Variants in DMD observed in about 807,000 individuals in gnomAD.
The protein encoded by DMD is dystrophin, also known as mutant dystrophin.
DMD carries 63 observed loss-of-function variants against 330.1 expected under a neutral mutation model. The observed-to-expected ratio is 0.19, with a 90% confidence interval of 0.16 to 0.24. The LOEUF (loss-of-function observed/expected upper bound fraction) is 0.24, where lower values mean the gene tolerates loss of function less well. Among genes scored for constraint, DMD ranks in the 10% least tolerant of loss-of-function variants. The pLI is 1.00. For synonymous variants in DMD, 1,223 were observed against 959.8 expected, an observed-to-expected ratio of 1.27 and a Z score of -5.07; for missense variants, 3,344 against 2,684.1, an observed-to-expected ratio of 1.25 and a Z score of -5.43.
intron 44 of DMD, among the ~76,000 whole-genome samples, chrX:31,981,106 G>A (rs1237791067): frequency 8.9e-6 from 1 of 111,758 alleles, no homozygotes; most frequent in East Asian, 2.8e-4. Flanking sequence ...AACAGACTTC[G>A]TGAACCATCA....
At chrX:33,096,833 G>A (rs1195850417) in intron 1 of DMD, among the ~76,000 whole-genome samples, 1 of 112,659 alleles carries the variant, frequency 8.9e-6, no homozygotes, top group Admixed American at 9.4e-5. Flanking sequence ...TTAGGTCAAA[G>A]GGAAAGTTTA....
chrX:31,527,312 T>A (rs1262526450), intron 55 of DMD, among the ~76,000 whole-genome samples: 1 of 111,815 alleles, frequency 8.9e-6, no homozygotes, highest in African/African-American at 3.3e-5. Flanking sequence ...CTACTTACCA[T>A]CCTTCCAGTT....
At position 32,900,762 on chromosome X, in the gene DMD, G is replaced by A. The variant is rs745581414; in HGVS notation, c.94-50942C>T. Among the ~76,000 whole-genome samples, 81 of 111,530 alleles carry A rather than the reference G, an allele frequency of 7.3e-4. 1 individual carries two copies. The highest frequency in any genetic ancestry group is 4.7e-3 in the Middle Eastern group (1 of 213). The stretch of plus-strand genomic sequence containing the variant: ...AGCAAATGAAAAAAAAGGAATTTTC[G>A]TTGATATTTCCTTTAAATGAAGATC... On this transcript the variant is annotated intron_variant, in intron 2 of 78. Transcript: ENST00000357033.
chrX:31,857,256 G>A (rs2093627445), intron 48 of DMD, among the ~76,000 whole-genome samples: 1 of 107,559 alleles, frequency 9.3e-6, no homozygotes, highest in Non-Finnish European at 1.9e-5. Context: ...GTGGGCACCA[G>A]TAATCCTAGC....
At chrX:32,657,446 T>C (rs2060654687) in intron 9 of DMD, among the ~76,000 whole-genome samples, 1 of 112,297 alleles carries the variant, frequency 8.9e-6, no homozygotes, top group South Asian at 3.6e-4. Context: ...TCTTTGTTCT[T>C]ACTGTTTCAT....
intron 44 of DMD, among the ~76,000 whole-genome samples, chrX:32,126,591 T>G (rs1452729242): frequency 8.9e-6 from 1 of 112,181 alleles, no homozygotes. Flanking sequence ...ATTGAATAGT[T>G]CACTTGATGT....
intron 59 of DMD, among the ~76,000 whole-genome samples, chrX:31,451,668 TC>T (rs2065765047): frequency 9.0e-6 from 1 of 111,088 alleles, no homozygotes; most frequent in Non-Finnish European, 1.9e-5. Flanking sequence ...TGTCACCCTT[TC>T]TCGAAAGTTG....
In DMD at chrX:32,468,713, A is replaced by G. The variant is rs1289371830; in HGVS notation, c.2950-3T>C. 8.3e-7 allele frequency: 1 copy of G among 1,199,715 alleles called. No homozygotes were observed. The highest frequency in any genetic ancestry group is 3.0e-5 in the East Asian group (1 of 33,670). ...TCTTGCAGAGAACTTTGTAAAGCCT[A>G]AAAAACAATTTTTTAAATACATTTA... On this transcript the variant is annotated splice_polypyrimidine_tract_variant and splice_region_variant and intron_variant, in intron 22 of 78. Transcript: ENST00000357033.
chrX:33,258,777 C>T (rs2052901562), intron 1 of DMD, among the ~76,000 whole-genome samples: 1 of 111,051 alleles, frequency 9.0e-6, no homozygotes, highest in Non-Finnish European at 1.9e-5. Flanking sequence ...GTAGGATCAT[C>T]TGCCGCTGAT....
intron 7 of DMD, among the ~76,000 whole-genome samples, chrX:32,782,792 G>A (rs112929439): frequency 3.7e-5 from 4 of 109,224 alleles, no homozygotes; most frequent in East Asian, 2.9e-4. Flanking sequence ...AATGCTTGAG[G>A]TGACATGCTA....
chrX:32,809,327 G>A (rs763967882), intron 7 of DMD, among the ~76,000 whole-genome samples, 166 bp downstream of exon 7: 1 of 111,665 alleles, frequency 9.0e-6, no homozygotes, highest in South Asian at 3.7e-4. Context: ...AATTAAATAA[G>A]ACAATTCATA....
intron 15 of DMD, among the ~76,000 whole-genome samples, chrX:32,566,720 T>C (rs1482464246): frequency 4.5e-5 from 5 of 112,038 alleles, no homozygotes; most frequent in African/African-American, 9.7e-5. Flanking sequence ...AAGTGGTTTA[T>C]GTGAAATCAG....
intron 7 of DMD, among the ~76,000 whole-genome samples, chrX:32,781,362 C>T (rs775836146): frequency 9.0e-6 from 1 of 111,211 alleles, no homozygotes; most frequent in East Asian, 2.8e-4. Context: ...ATGATACAAT[C>T]AAAGTGAAAC....
intron 1 of DMD, among the ~76,000 whole-genome samples, chrX:33,280,932 C>T (rs1201958542): frequency 9.0e-6 from 1 of 111,477 alleles, no homozygotes; most frequent in Non-Finnish European, 1.9e-5. Context: ...CCATTCTATA[C>T]ATCCTATATA....
chrX:31,272,957 A>G (rs1212789810), intron 62 of DMD, among the ~76,000 whole-genome samples: 2 of 112,259 alleles, frequency 1.8e-5, no homozygotes, highest in East Asian at 5.5e-4. Context: ...TGGACAGTCT[A>G]CTACAAGAGA....
rs767993498 is a variant in DMD at position 32,312,942 on chromosome X, C to CAAAAAAAAAAAAAAAAAAAAA, written c.5923-2687_5923-2667dup. 6.4e-4 allele frequency among the ~76,000 whole-genome samples: 13 copies of CAAAAAAAAAAAAAAAAAAAAA among 20,400 alleles called. 1 individual carries two copies. The highest frequency in any genetic ancestry group is 4.1e-3 in the Admixed American group (4 of 964). The allele number at this position is 20,400 out of a possible 115,157, so 17.7% of individuals were successfully genotyped here. A position where few individuals can be genotyped will look rare whatever the true frequency, so the allele number is the denominator to read the frequency against. ...ATTGAGGCAGTAATAGCCTACGAAC[C>CAAAAAAAAAAAAAAAAAAAAA]AAAAAAAAAAAAAAAAAAAAAAGCC... On this transcript the variant is annotated intron_variant, in intron 41 of 78. Coordinates refer to ENST00000357033, the MANE Select transcript of DMD (RefSeq NM_004006.3).
At position 31,679,525 on chromosome X, in the gene DMD, C is replaced by A; in HGVS notation, c.7722G>T (p.Gln2574His). The A allele has an allele frequency of 8.3e-7, 1 of 1,211,721 alleles. No homozygotes were observed. Among genetic ancestry groups the A allele is most frequent in the Non-Finnish European group, 1.1e-6 (1 of 895,410 alleles). Residue 2574 changes from glutamine to histidine, a missense_variant, in exon 53 of 79, where the codon CAG (glutamine) becomes CAT (histidine). Coordinates refer to ENST00000357033, the MANE Select transcript of DMD (RefSeq NM_004006.3). Reference sequence around the variant, plus strand: ...TTGAATCCTTTAACATTTCATTCAACTGTTGCCTCCGGTTCTGAAGGTGTT... The same window carrying A: ...TTGAATCCTTTAACATTTCATTCAAATGTTGCCTCCGGTTCTGAAGGTGTT... ...VQEHLQNRRQ[Q>H]LNEMLKDSTQ...
intron 2 of DMD, among the ~76,000 whole-genome samples, chrX:32,905,964 A>G (rs1317690021): frequency 2.7e-5 from 3 of 112,193 alleles, no homozygotes; most frequent in Non-Finnish European, 5.6e-5. Flanking sequence ...ACATAAATGA[A>G]CAAATGAGTG....
At chrX:32,920,136 C>T (rs577610572) in intron 2 of DMD, among the ~76,000 whole-genome samples, 5 of 111,271 alleles carry the variant, frequency 4.5e-5, no homozygotes, top group East Asian at 2.8e-4. Flanking sequence ...ATAGTCAATA[C>T]GCCCAGGTGT....
Sources: allele counts gnomAD v4.1 joint callset (sites outside exome capture counted in the v4.1 genomes callset), GRCh38; gene constraint gnomAD v4.1.1; transcripts MANE v1.5; gene names NCBI Gene and HGNC (gene_info 2026-07-23, HGNC 2026-07-21).